NGLY1: variants seen among roughly 807,000 people sequenced by gnomAD.
NGLY1 encodes peptide-N(4)-(N-acetyl-beta-glucosaminyl)asparagine amidase.
Under a neutral mutation model 84.6 loss-of-function variants are expected in NGLY1, and 68 were observed. The ratio of observed to expected loss-of-function variants is 0.80; its 90% confidence interval spans 0.66 to 0.98. The LOEUF is 0.98. Among genes scored for constraint, NGLY1 ranks in the 50% least tolerant of loss-of-function variants. The pLI is 0.00. For synonymous variants in NGLY1, 280 were observed against 275.2 expected (o/e 1.02, Z -0.17); for missense variants, 779 against 770.2 (o/e 1.01, Z -0.14).
At chr3:25,779,656 G>A (rs1413209521) in intron 1 of NGLY1, among the ~76,000 whole-genome samples, 1 of 151,722 alleles carries the variant, frequency 6.6e-6, no homozygotes, top group Non-Finnish European at 1.5e-5. Flanking sequence ...TATCAACTTT[G>A]TCCTATCTAC....
rs998436716 is a variant in NGLY1, at chr3:25,783,048, C to A, written c.131+212G>T. The A allele has an allele frequency of 1.5e-5, 8 of 522,326 alleles. No homozygotes were observed. Among genetic ancestry groups the A allele is most frequent in the African/African-American group, 4.1e-5 (2 of 48,852 alleles). The allele number at this position is 522,326 out of a possible 1,614,324, so 32.4% of individuals were successfully genotyped here. The stretch of plus-strand genomic sequence containing the variant: ...GTGCCAAGTCACAACTGCAAAGAAA[C>A]TTCCTTTTCTCGAGCGGGGGTGGGA... On this transcript the variant is annotated intron_variant, in intron 1 of 11. Transcript: ENST00000280700. The surrounding 1 kb of genome is among the most constrained non-coding windows in gnomAD (Gnocchi z 4.5).
intron 4 of NGLY1, among the ~76,000 whole-genome samples, chr3:25,748,252 T>C (rs1025164291): frequency 3.3e-5 from 5 of 152,176 alleles, no homozygotes; most frequent in African/African-American, 1.2e-4. Flanking sequence ...TTCTCCTTGA[T>C]ACCTTACCAT....
intron 3 of NGLY1, among the ~76,000 whole-genome samples, chr3:25,757,503 G>A (rs992061608): frequency 4.6e-5 from 7 of 152,188 alleles, no homozygotes; most frequent in African/African-American, 1.7e-4. Flanking sequence ...AAATATTAAT[G>A]TATTTGTTCC....
At chr3:25,757,603 T>C (rs1355495242) in intron 3 of NGLY1, among the ~76,000 whole-genome samples, 2 of 152,164 alleles carry the variant, frequency 1.3e-5, no homozygotes, top group Non-Finnish European at 2.9e-5. Flanking sequence ...TTTGGCAACA[T>C]GGAAATCACT....
chr3:25,719,711 T>A lies in NGLY1; in HGVS notation c.1790-76A>T, dbSNP rs1023728051. ...GCACAGATCATTTTGAAATGTATTT[T>A]ATATAGGCTGATGTATAAGTTAAAA... On this transcript the variant is annotated intron_variant, in intron 11 of 11. Transcript: ENST00000280700. The A allele has an allele frequency of 4.2e-6, 5 of 1,184,640 alleles. No individual in the cohort carries two copies. In the Admixed American group the frequency reaches 1.1e-4, roughly 27 times the overall value. The allele number at this position is 1,184,640 out of a possible 1,614,324, so 73.4% of individuals were successfully genotyped here.
chr3:25,745,613 A>C (rs942308802), intron 4 of NGLY1, among the ~76,000 whole-genome samples: 4 of 152,196 alleles, frequency 2.6e-5, no homozygotes, highest in African/African-American at 9.7e-5. Context: ...TGCAAATTCC[A>C]CATATTCTAT....
At chr3:25,736,822 A>G (rs1342941713) in intron 6 of NGLY1, 1 of 163,254 alleles carries the variant, frequency 6.1e-6, no homozygotes, top group African/African-American at 2.4e-5. Context: ...ATCCATATAT[A>G]AACAGCATCA....
chr3:25,778,373 G>A (rs574677754), intron 2 of NGLY1: 3 of 407,232 alleles, frequency 7.4e-6, no homozygotes, highest in Middle Eastern at 6.0e-4. Flanking sequence ...TTTCTCTGTG[G>A]AGCGTTGTTA....
At chr3:25,728,943 A>G (rs761701727) in intron 10 of NGLY1, among the ~76,000 whole-genome samples, 190 bp downstream of exon 10, 1 of 152,152 alleles carries the variant, frequency 6.6e-6, no homozygotes, top group Non-Finnish European at 1.5e-5. Context: ...CTTCCTTGAT[A>G]TAAATGCAAG....
In NGLY1 at chr3:25,783,181, G is replaced by T; in HGVS notation, c.131+79C>A. 7.4e-7 allele frequency: 1 copy of T among 1,349,326 alleles called. No homozygotes were observed. Among genetic ancestry groups the T allele is most frequent in the East Asian group, 2.5e-5 (1 of 40,310 alleles). 83.6% of individuals were successfully genotyped at this position (1,349,326 alleles called of 1,614,324 possible). On this transcript the variant is annotated intron_variant, in intron 1 of 11. Coordinates refer to ENST00000280700, the MANE Select transcript of NGLY1 (RefSeq NM_018297.4). The surrounding 1 kb of genome is among the most constrained non-coding windows in gnomAD (Gnocchi z 4.5). ...TCGCTGCCCTCTGAAGCTCAGGCCG[G>T]ACGCCCCAGTCCCTGGCCGAACAAG...
intron 2 of NGLY1, among the ~76,000 whole-genome samples, chr3:25,768,417 C>G (rs537779394): frequency 2.2e-5 from 2 of 89,320 alleles, no homozygotes; most frequent in South Asian, 8.4e-4. Context: ...AGGTGAAACT[C>G]CATCTAAAAA....
chr3:25,730,261 T>A (rs1705475736), intron 9 of NGLY1: 1 of 152,102 alleles, frequency 6.6e-6, no homozygotes, highest in African/African-American at 2.4e-5. Flanking sequence ...TTCCAATTGA[T>A]TGCAAGATTA....
chr3:25,732,856 A>G (rs150144896), intron 8 of NGLY1, among the ~76,000 whole-genome samples: 11 of 152,294 alleles, frequency 7.2e-5, no homozygotes, highest in Non-Finnish European at 1.0e-4. Context: ...CTCACATATA[A>G]ACACCTGTTT....
Position 25,783,247 on chromosome 3 carries a change from C to G in NGLY1, c.131+13G>C, listed in dbSNP as rs758211286. On this transcript the variant is annotated intron_variant, in intron 1 of 11. Coordinates refer to ENST00000280700, the MANE Select transcript of NGLY1 (RefSeq NM_018297.4). The surrounding 1 kb of genome is among the most constrained non-coding windows in gnomAD (Gnocchi z 4.5). ...CACCCCGGTACCCGCCGTCCGACCC[C>G]GTTGCCCTGCACCTGAGGATGTTGT... 5 of 1,607,894 alleles carry G rather than the reference C, an allele frequency of 3.1e-6. No homozygotes were observed. In the East Asian group the frequency reaches 1.1e-4, roughly 36 times the overall value.
At chr3:25,754,790 T>C (rs201278847) in intron 3 of NGLY1, 1 of 245,860 alleles carries the variant, frequency 4.1e-6, no homozygotes, top group East Asian at 8.4e-5. Flanking sequence ...GACTCGTGCT[T>C]TTTTTTTTTT....
At chr3:25,746,595 T>C (rs182761716) in intron 4 of NGLY1, among the ~76,000 whole-genome samples, 36 of 152,342 alleles carry the variant, frequency 2.4e-4, no homozygotes, top group Non-Finnish European at 1.5e-5. Context: ...GCTAATAGAC[T>C]TGAAGGATTC....
intron 3 of NGLY1, chr3:25,755,585 T>A (rs2125525739): frequency 1.4e-6 from 2 of 1,448,876 alleles, no homozygotes; most frequent in Non-Finnish European, 1.9e-6. Context: ...ATATTCTTAT[T>A]CCCATCAACA....
chr3:25,768,112 CAAAAA>C (rs1165791295), intron 2 of NGLY1, among the ~76,000 whole-genome samples: 1 of 49,162 alleles, frequency 2.0e-5, no homozygotes, highest in East Asian at 6.9e-4. Context: ...GACTCCATCT[CAAAAA>C]AAAAAAAAAA....
chr3:25,756,461 G>A (rs939102456), intron 3 of NGLY1, among the ~76,000 whole-genome samples: 2 of 152,140 alleles, frequency 1.3e-5, no homozygotes, highest in Non-Finnish European at 2.9e-5. Context: ...TTTTATGCCT[G>A]TTGAGCTTTC....
Sources: allele counts gnomAD v4.1 joint callset (sites outside exome capture counted in the v4.1 genomes callset), GRCh38; gene constraint gnomAD v4.1.1; non-coding constraint Gnocchi (gnomAD v3.1); transcripts MANE v1.5; gene names NCBI Gene and HGNC (gene_info 2026-07-23, HGNC 2026-07-21).